The following NUSAP1 variants were observed in gnomAD, a reference collection of about 807,000 sequenced individuals.
NUSAP1 encodes the protein nucleolar and spindle-associated protein 1.
Under a neutral mutation model 52.8 loss-of-function variants are expected in NUSAP1, and 32 were observed. The observed-to-expected ratio is 0.61, with a 90% CI of 0.46 to 0.81. The LOEUF is 0.81. Among genes scored for constraint, NUSAP1 ranks in the 40% least tolerant of loss-of-function variants. NUSAP1 has a pLI of 0.00. For synonymous variants in NUSAP1, 195 were observed against 183.1 expected (o/e 1.06, Z -0.52); for missense variants, 499 against 522.3 (o/e 0.96, Z 0.43).
chr15:41,346,461 C>T (rs1035992736), intron 2 of NUSAP1, among the ~76,000 whole-genome samples: 3 of 151,946 alleles, frequency 2.0e-5, no homozygotes, highest in Admixed American at 6.6e-5. Context: ...ACTCACTACA[C>T]CTTGTTACTT....
At chr15:41,349,766 CTT>C (rs1181209511) in intron 3 of NUSAP1, among the ~76,000 whole-genome samples, 6 of 123,512 alleles carry the variant, frequency 4.9e-5, no homozygotes, top group Admixed American at 8.8e-5. Flanking sequence ...TTTTTCTTTT[CTT>C]TTTTTTTTTT....
chr15:41,334,523 A>G (rs2048047792), intron 1 of NUSAP1, among the ~76,000 whole-genome samples: 1 of 152,200 alleles, frequency 6.6e-6, no homozygotes, highest in Non-Finnish European at 1.5e-5. Context: ...TGGCTCCTCT[A>G]TACTTCGTAA....
At chr15:41,373,448 CT>C (rs763340655) in intron 8 of NUSAP1, among the ~76,000 whole-genome samples, 380 of 117,278 alleles carry the variant, frequency 3.2e-3, no homozygotes, top group Non-Finnish European at 4.1e-3. Flanking sequence ...AATTCATATT[CT>C]TTTTTTTTTT....
At position 41,377,231 on chromosome 15, in the gene NUSAP1, A is replaced by G; in HGVS notation, c.1159A>G (p.Asn387Asp). ...ACCATGGGGGCAATCTAAAGAAAAT[A>G]ATTATCTAAATCAACATGTCAACAG... ...LKPWGQSKENNYLNQHVNRIN... is the reference protein window; with the variant it reads ...LKPWGQSKENDYLNQHVNRIN... The change falls in exon 10 of 11, where the codon AAT becomes GAT. Residue 387 changes from asparagine (N) to aspartate (D), a missense_variant. By Grantham distance (23) the Asn-to-Asp change is conservative. Coordinates refer to ENST00000559596, the MANE Select transcript of NUSAP1 (RefSeq NM_016359.5). The G allele has an allele frequency of 6.5e-7, 1 of 1,537,132 alleles. No homozygotes were observed. The highest frequency in any genetic ancestry group is 8.8e-7 in the Non-Finnish European group (1 of 1,138,636).
chr15:41,375,924 G>A, intron 9 of NUSAP1, 96 bp downstream of exon 9: 1 of 785,292 alleles, frequency 1.3e-6, no homozygotes. Flanking sequence ...AAATTAGCCA[G>A]GCGTGGTGGC....
chr15:41,352,039 G>A (rs2048797281), intron 4 of NUSAP1: 1 of 151,918 alleles, frequency 6.6e-6, no homozygotes, highest in African/African-American at 2.4e-5. Context: ...CACCTCCTGG[G>A]TTCAAGCGAT....
Position 41,342,794 on chromosome 15 carries a change from G to A in NUSAP1, c.162+340G>A, listed in dbSNP as rs144674154. Among the ~76,000 whole-genome samples, 249 of 152,094 alleles carry A rather than the reference G, an allele frequency of 1.6e-3. 1 individual carries two copies. The highest frequency in any genetic ancestry group is 5.7e-3 in the African/African-American group (236 of 41,488). On this transcript the variant is annotated intron_variant, in intron 2 of 10. Transcript: ENST00000559596. ...GTGGAGGTTGCAGTGAGCCAGGATC[G>A]CGCCACTGTACTCCAGCCTGGGTGA... is the stretch of plus-strand genomic sequence containing the variant.
Position 41,375,754 on chromosome 15 carries a change from C to T in NUSAP1, c.1049C>T (p.Pro350Leu). The T allele has an allele frequency of 2.5e-6, 4 of 1,613,768 alleles. No individual in the cohort carries two copies. The highest frequency in any genetic ancestry group is 3.4e-6 in the Non-Finnish European group (4 of 1,179,702). ...FKLTTEATQT[P>L]VSNKKPVFDL... The stretch of plus-strand genomic sequence containing the variant: ...TTGACAACTGAGGCAACGCAGACTC[C>T]AGTCTCCAATAAGAAACCAGTGTTT... Residue 350 changes from proline (P) to leucine (L), a missense_variant, in exon 9 of 11, where the codon CCA becomes CTA. By Grantham distance (98) the Pro-to-Leu change is moderately conservative. Transcript: ENST00000559596.
At chr15:41,359,230 A>G (rs1293232704) in intron 6 of NUSAP1, among the ~76,000 whole-genome samples, 3 of 152,282 alleles carry the variant, frequency 2.0e-5, no homozygotes, top group Admixed American at 6.5e-5. Flanking sequence ...TCAGCCTCCC[A>G]AAGTGCTGGG....
chr15:41,360,764 T>TA (rs1448624111), intron 6 of NUSAP1, among the ~76,000 whole-genome samples: 1 of 151,116 alleles, frequency 6.6e-6, no homozygotes, highest in East Asian at 2.0e-4. Flanking sequence ...TCCTCACTGT[T>TA]ACCACATTTG....
intron 7 of NUSAP1, among the ~76,000 whole-genome samples, chr15:41,366,291 CTT>C (rs1200034822): frequency 1.3e-4 from 18 of 139,782 alleles, no homozygotes; most frequent in African/African-American, 4.5e-4. Flanking sequence ...TTTCTTTTTT[CTT>C]TTTTTTTTTT....
chr15:41,340,472 A>G (rs1022029687), intron 1 of NUSAP1, among the ~76,000 whole-genome samples: 10 of 152,114 alleles, frequency 6.6e-5, no homozygotes, highest in African/African-American at 2.4e-4. Context: ...TGTTTAATTA[A>G]TCACTCTCTA....
At chr15:41,360,038 A>T (rs1226288205) in intron 6 of NUSAP1, among the ~76,000 whole-genome samples, 1 of 151,216 alleles carries the variant, frequency 6.6e-6, no homozygotes, top group Non-Finnish European at 1.5e-5. Context: ...GCCTCACTGG[A>T]ACCTCTGCTT....
chr15:41,367,266 G>A (rs2049457415), intron 7 of NUSAP1, among the ~76,000 whole-genome samples: 1 of 152,170 alleles, frequency 6.6e-6, no homozygotes, highest in Non-Finnish European at 1.5e-5. Flanking sequence ...CTAGCCACAG[G>A]CACATAGCCA....
chr15:41,337,219 A>G (rs1282440967), intron 1 of NUSAP1, among the ~76,000 whole-genome samples: 2 of 151,816 alleles, frequency 1.3e-5, no homozygotes, highest in African/African-American at 4.8e-5. Context: ...AGGTCTGACT[A>G]TGTTGCCCTG....
At chr15:41,362,891 TG>T (rs1262260800) in intron 6 of NUSAP1, among the ~76,000 whole-genome samples, 11 of 152,114 alleles carry the variant, frequency 7.2e-5, no homozygotes. Context: ...GAAAAATGCT[TG>T]AAGCCCGTAG....
chr15:41,368,728 C>CTTTTTTTTTTTTTTTTTTTTTTTTATT (rs57501156), intron 7 of NUSAP1, among the ~76,000 whole-genome samples: 2 of 77,940 alleles, frequency 2.6e-5, no homozygotes, highest in Non-Finnish European at 4.6e-5. Flanking sequence ...TTATTTTATT[C>CTTTTTTTTTTTTTTTTTTTTTTTTATT]TTTTTTTTTT....
chr15:41,349,475 A>C, intron 3 of NUSAP1: 1 of 407,974 alleles, frequency 2.5e-6, no homozygotes. Flanking sequence ...TGTTGTATAA[A>C]TATGAACATT....
intron 2 of NUSAP1, among the ~76,000 whole-genome samples, chr15:41,346,368 G>A (rs2048568552): frequency 1.3e-5 from 2 of 151,904 alleles, no homozygotes; most frequent in South Asian, 2.1e-4. Flanking sequence ...CTGGAGTGCA[G>A]TGGCATAATC....
Sources: allele counts gnomAD v4.1 joint callset (sites outside exome capture counted in the v4.1 genomes callset), GRCh38; gene constraint gnomAD v4.1.1; transcripts MANE v1.5; gene names NCBI Gene and HGNC (gene_info 2026-07-23, HGNC 2026-07-21).